The following PDE1A variants were observed in gnomAD, a reference collection of about 807,000 sequenced individuals.
PDE1A encodes dual specificity calcium/calmodulin-dependent 3',5'-cyclic nucleotide phosphodiesterase 1A.
In PDE1A, 35 loss-of-function variants were observed where a neutral mutation model predicts 61.7. The observed-to-expected ratio is 0.57, with a 90% CI of 0.43 to 0.75. The LOEUF (loss-of-function observed/expected upper bound fraction) is 0.75, where lower values mean the gene tolerates loss of function less well. PDE1A is among the 30% of genes least tolerant of loss of function. The pLI, the probability that PDE1A is intolerant of heterozygous loss-of-function variation, is 0.00. For missense variants in PDE1A, 597 were observed against 630.6 expected (o/e 0.95, Z 0.57); for synonymous variants, 232 against 213.2 (o/e 1.09, Z -0.77).
upstream of PDE1A, among the ~76,000 whole-genome samples, chr2:182,430,840 AG>A (rs1417206616): frequency 1.2e-4 from 15 of 125,532 alleles, no homozygotes; most frequent in African/African-American, 4.0e-4. Context: ...CATCATTCTC[AG>A]TAAACTATCG....
the PDE1A span, among the ~76,000 whole-genome samples, chr2:182,642,430 G>A: frequency 5.9e-5 from 9 of 152,286 alleles, no homozygotes; most frequent in East Asian, 7.7e-4. Context: ...GTATCCCTAA[G>A]ACCATGTGGA....
chr2:182,702,713 T>C, the PDE1A span, among the ~76,000 whole-genome samples: 1 of 152,272 alleles, frequency 6.6e-6, no homozygotes, highest in African/African-American at 2.4e-5. Flanking sequence ...TCTAATTATT[T>C]AGAACTCTGA....
chr2:182,548,413 A>C, the PDE1A span, among the ~76,000 whole-genome samples: 1 of 152,296 alleles, frequency 6.6e-6, no homozygotes, highest in East Asian at 1.9e-4. Flanking sequence ...GATACGACCA[A>C]GCAAAATGCA....
chr2:182,412,270 G>T (rs989390215), intron 1 of PDE1A, among the ~76,000 whole-genome samples: 1 of 152,048 alleles, frequency 6.6e-6, no homozygotes, highest in Non-Finnish European at 1.5e-5. Context: ...TTCTTAGACA[G>T]CTATCCAAAT....
At chr2:182,517,966 A>C (rs1455159840) in intron 2 of PDE1A, among the ~76,000 whole-genome samples, 1 of 152,210 alleles carries the variant, frequency 6.6e-6, no homozygotes, top group Non-Finnish European at 1.5e-5. Context: ...AAATGAGCAC[A>C]GGAAAAGGGG....
chr2:182,714,538 C>G, the PDE1A span, among the ~76,000 whole-genome samples: 1 of 152,090 alleles, frequency 6.6e-6, no homozygotes, highest in Non-Finnish European at 1.5e-5. Context: ...TTTCCTTTAT[C>G]TCCCATATCC....
At chr2:182,351,949 G>C (rs922576923) in intron 1 of PDE1A, among the ~76,000 whole-genome samples, 1 of 152,130 alleles carries the variant, frequency 6.6e-6, no homozygotes, top group African/African-American at 2.4e-5. Context: ...AAATGTATAA[G>C]AAATATGCAC....
chr2:182,661,497 T>C, the PDE1A span, among the ~76,000 whole-genome samples: 6 of 152,146 alleles, frequency 3.9e-5, no homozygotes, highest in African/African-American at 9.7e-5. Flanking sequence ...GTTAGAAACA[T>C]TGCCATTAAA....
At chr2:182,527,217 A>T (rs1690784753), upstream of PDE1A, among the ~76,000 whole-genome samples, 2 of 146,644 alleles carry the variant, frequency 1.4e-5, no homozygotes, top group South Asian at 4.4e-4. Context: ...CCATAAACCC[A>T]GCACTTTGGG....
intron 7 of PDE1A, among the ~76,000 whole-genome samples, chr2:182,211,051 T>G (rs370827068): frequency 5.3e-5 from 8 of 152,254 alleles, no homozygotes; most frequent in African/African-American, 1.9e-4. Flanking sequence ...GAGCAAACCC[T>G]CTCTGGCAAG....
chr2:182,609,881 A>G, the PDE1A span, among the ~76,000 whole-genome samples: 1 of 152,204 alleles, frequency 6.6e-6, no homozygotes, highest in Non-Finnish European at 1.5e-5. Flanking sequence ...TGTGGTCAGG[A>G]GTTCGAGACC....
chr2:182,666,527 G>C, the PDE1A span, among the ~76,000 whole-genome samples: 1 of 151,566 alleles, frequency 6.6e-6, no homozygotes. Flanking sequence ...AGAATCGCTT[G>C]AACCCGGGAG....
intron 1 of PDE1A, among the ~76,000 whole-genome samples, chr2:182,347,928 T>C (rs1229413371): frequency 6.6e-6 from 1 of 152,090 alleles, no homozygotes; most frequent in African/African-American, 2.4e-5. Flanking sequence ...AATAGAATGG[T>C]AGTACAGCGT....
intron 1 of PDE1A, among the ~76,000 whole-genome samples, chr2:182,418,337 G>A (rs1559443144): frequency 6.6e-6 from 1 of 152,132 alleles, no homozygotes; most frequent in Non-Finnish European, 1.5e-5. Flanking sequence ...CATGTTTTAG[G>A]GCAATTAGGT....
the PDE1A span, among the ~76,000 whole-genome samples, chr2:182,529,071 G>C: frequency 6.6e-6 from 1 of 152,170 alleles, no homozygotes; most frequent in South Asian, 2.1e-4. Flanking sequence ...GGAGCTGTGA[G>C]AAGAGGGCCA....
At chr2:182,346,082 C>T (rs6718589) in intron 1 of PDE1A, among the ~76,000 whole-genome samples, 32,512 of 151,924 alleles carry the variant, frequency 0.21, 3,705 homozygotes, top group Middle Eastern at 0.31. Flanking sequence ...GTATGTCTTA[C>T]CAAAAACAGA....
Position 182,246,605 on chromosome 2 carries a change from G to A in PDE1A, c.168-6313C>T, listed in dbSNP as rs142354647. Among the ~76,000 whole-genome samples, 932 of 151,470 alleles carry A rather than the reference G, an allele frequency of 6.2e-3. 5 individuals are homozygous for A. Among genetic ancestry groups the A allele is most frequent in the Non-Finnish European group, 9.4e-3 (637 of 67,816 alleles). ...TTTAGTAGAGACAGGGTTGGGTTTC[G>A]CCATGTTGGCCAGGCTGGTCTCAAA... On this transcript the variant is annotated intron_variant, in intron 2 of 13. Coordinates refer to ENST00000351439, the Ensembl canonical transcript of PDE1A.
At chr2:182,675,543 T>C in the PDE1A span, among the ~76,000 whole-genome samples, 2 of 152,090 alleles carry the variant, frequency 1.3e-5, no homozygotes. Context: ...CTGCTTTCAA[T>C]AATGGTTGAA....
the PDE1A span, among the ~76,000 whole-genome samples, chr2:182,556,733 T>C: frequency 6.6e-6 from 1 of 152,196 alleles, no homozygotes; most frequent in East Asian, 1.9e-4. Flanking sequence ...TCAGAAGCCA[T>C]AACTAGAAAT....
Sources: allele counts gnomAD v4.1 joint callset (sites outside exome capture counted in the v4.1 genomes callset), GRCh38; gene constraint gnomAD v4.1.1; transcripts MANE v1.5; gene names NCBI Gene and HGNC (gene_info 2026-07-23, HGNC 2026-07-21).